WWP2: variants seen among roughly 807,000 people sequenced by gnomAD.
The protein encoded by WWP2 is WW domain containing E3 ubiquitin protein ligase 2.
A neutral mutation model predicts 121.0 loss-of-function variants in WWP2; 57 were observed. The observed-to-expected ratio is 0.47, with a 90% CI of 0.38 to 0.59. The LOEUF (loss-of-function observed/expected upper bound fraction) is 0.59. Ranked by LOEUF, WWP2 falls within the 20% of genes least tolerant of loss-of-function variation. The pLI is 0.00. For missense variants in WWP2, 962 were observed against 1,158.9 expected (o/e 0.83, Z 2.47); for synonymous variants, 449 against 441.3 (o/e 1.02, Z -0.22).
In WWP2 at chr16:69,784,098, T is replaced by C. The variant is rs1308612577; in HGVS notation, c.-15-2898T>C. Among the ~76,000 whole-genome samples, 52 of 124,030 alleles carry C rather than the reference T, an allele frequency of 4.2e-4. No homozygotes were observed. In the South Asian group the frequency reaches 0.013, roughly 30 times the overall value. 81.4% of individuals were successfully genotyped at this position (124,030 alleles called of 152,430 possible). On this transcript the variant is annotated intron_variant, in intron 1 of 23. Transcript: ENST00000359154. ...CTTTTTCTTTCTTTCTTTCTTTTTTTTTTTTTTTTTTTTTTTTTGAGACGG... is the reference window on the plus strand; with the variant it reads ...CTTTTTCTTTCTTTCTTTCTTTTTTCTTTTTTTTTTTTTTTTTTGAGACGG...
At chr16:69,885,031 G>T (rs2057898292) in intron 7 of WWP2, among the ~76,000 whole-genome samples, 1 of 150,180 alleles carries the variant, frequency 6.7e-6, no homozygotes, top group Non-Finnish European at 1.5e-5. Flanking sequence ...AATTGCTGTA[G>T]CTTTGTAGTA....
intron 8 of WWP2, among the ~76,000 whole-genome samples, chr16:69,901,515 C>T (rs370025405): frequency 1.6e-4 from 24 of 152,238 alleles, no homozygotes; most frequent in Non-Finnish European, 2.8e-4. Context: ...CGGGTTCATG[C>T]CATTCTCCTG....
chr16:69,861,790 T>C (rs191578417), intron 6 of WWP2, among the ~76,000 whole-genome samples: 1 of 152,238 alleles, frequency 6.6e-6, no homozygotes, highest in East Asian at 1.9e-4. Context: ...TATTTTTTCA[T>C]GCTTCTATTT....
rs1326687636 is a variant in WWP2 at position 69,936,562 on chromosome 16, T to A, written c.2117+110T>A. On this transcript the variant is annotated intron_variant, in intron 19 of 23. Coordinates refer to ENST00000359154, the MANE Select transcript of WWP2 (RefSeq NM_001270454.2). ...GCCCATCGGTCACTGTGGATGCCAT[T>A]TGCATTTGCCTTGATGGTGGCTGCT... is the stretch of plus-strand genomic sequence containing the variant. 3 of 1,487,838 alleles carry A rather than the reference T, an allele frequency of 2.0e-6. No individual in the cohort carries two copies. In the East Asian group the frequency reaches 7.0e-5, roughly 35 times the overall value. The allele number at this position is 1,487,838 out of a possible 1,614,324, so 92.2% of individuals were successfully genotyped here.
intron 9 of WWP2, chr16:69,909,395 C>T (rs992242855): frequency 2.0e-6 from 2 of 985,882 alleles, no homozygotes; most frequent in Non-Finnish European, 2.4e-6. Flanking sequence ...AATATGCACA[C>T]TTCCCCTGCC....
chr16:69,830,823 G>A (rs1184895387), intron 4 of WWP2, among the ~76,000 whole-genome samples: 1 of 152,202 alleles, frequency 6.6e-6, no homozygotes, highest in African/African-American at 2.4e-5. Context: ...AAGGAAATGT[G>A]AAAGAGCCTT....
intron 2 of WWP2, chr16:69,788,146 T>G (rs2055831798): frequency 6.6e-6 from 1 of 152,248 alleles, no homozygotes; most frequent in African/African-American, 2.4e-5. Context: ...GAGGATCACC[T>G]GAGCCCAGGA....
intron 2 of WWP2, among the ~76,000 whole-genome samples, chr16:69,795,025 G>A (rs938750540): frequency 1.3e-5 from 2 of 152,126 alleles, no homozygotes; most frequent in Non-Finnish European, 2.9e-5. Context: ...CTTGAGCCCA[G>A]GAGTTCGAGA....
chr16:69,824,363 G>A (rs2056645370), intron 4 of WWP2, among the ~76,000 whole-genome samples: 1 of 152,142 alleles, frequency 6.6e-6, no homozygotes, highest in Non-Finnish European at 1.5e-5. Flanking sequence ...GAGTGTCACA[G>A]TCACATAAGT....
chr16:69,912,521 A>T lies in WWP2; in HGVS notation c.1004+3671A>T, dbSNP rs554522688. Among the ~76,000 whole-genome samples, 3 of 152,050 alleles carry T rather than the reference A, an allele frequency of 2.0e-5. No homozygotes were observed. The South Asian group carries it at 6.2e-4, about 32-fold the overall frequency. On this transcript the variant is annotated intron_variant, in intron 9 of 23. Coordinates refer to ENST00000359154, the MANE Select transcript of WWP2 (RefSeq NM_001270454.2). ...GGATGAACTCAGAAACAAGAGATTA[A>T]ATGCGGATGCTATCTCCATTCCCCA...
In WWP2 at chr16:69,919,693, G is replaced by A. The variant is rs1360659518; in HGVS notation, c.1179+1810G>A. On this transcript the variant is annotated intron_variant, in intron 10 of 23. Coordinates refer to ENST00000359154, the MANE Select transcript of WWP2 (RefSeq NM_001270454.2). ...AGTTGGCTGATTATATTTTCTCAGAGCACTTTAGATGCGAAGGTTGGGATC... is the reference window on the plus strand; with the variant it reads ...AGTTGGCTGATTATATTTTCTCAGAACACTTTAGATGCGAAGGTTGGGATC... 2.6e-5 allele frequency among the ~76,000 whole-genome samples: 4 copies of A among 152,104 alleles called. No individual in the cohort carries two copies. The East Asian group carries it at 7.7e-4, about 29-fold the overall frequency.
At chr16:69,874,620 G>A (rs2057703386) in intron 7 of WWP2, among the ~76,000 whole-genome samples, 1 of 152,180 alleles carries the variant, frequency 6.6e-6, no homozygotes, top group African/African-American at 2.4e-5. Flanking sequence ...AGTTTTAGAA[G>A]TGGTGGAATC....
At chr16:69,841,420 G>A (rs1476359160) in intron 5 of WWP2, among the ~76,000 whole-genome samples, 1 of 152,106 alleles carries the variant, frequency 6.6e-6, no homozygotes, top group East Asian at 1.9e-4. Context: ...GTAAAGGGGT[G>A]GCTTGGCCTG....
chr16:69,789,037 T>A (rs1412471345), intron 2 of WWP2, among the ~76,000 whole-genome samples: 2 of 152,176 alleles, frequency 1.3e-5, no homozygotes, highest in Non-Finnish European at 2.9e-5. Flanking sequence ...TCATGGAGTT[T>A]AAAAATCTTA....
chr16:69,903,365 G>A (rs562385366), intron 8 of WWP2, among the ~76,000 whole-genome samples: 1 of 152,258 alleles, frequency 6.6e-6, no homozygotes, highest in South Asian at 2.1e-4. Context: ...ATATTAAAAC[G>A]TTAGCCAAAG....
chr16:69,911,465 G>A (rs965728634), intron 9 of WWP2, among the ~76,000 whole-genome samples: 28 of 152,202 alleles, frequency 1.8e-4, no homozygotes, highest in African/African-American at 6.8e-4. Context: ...GAAGGGAAAG[G>A]ATGTGTTTGG....
intron 6 of WWP2, among the ~76,000 whole-genome samples, chr16:69,858,683 G>T (rs1189901963): frequency 2.6e-5 from 4 of 152,086 alleles, no homozygotes; most frequent in African/African-American, 7.2e-5. Context: ...CAGCTTTTAA[G>T]GTTAGTATTG....
chr16:69,865,274 T>C (rs1020834646), intron 6 of WWP2, among the ~76,000 whole-genome samples: 16 of 152,098 alleles, frequency 1.1e-4, no homozygotes, highest in African/African-American at 3.6e-4. Context: ...GGTCTCGAAC[T>C]CCCGACCTCA....
At chr16:69,847,430 A>G (rs1248251634) in intron 6 of WWP2, among the ~76,000 whole-genome samples, 2 of 142,694 alleles carry the variant, frequency 1.4e-5, no homozygotes, top group Non-Finnish European at 3.0e-5. Flanking sequence ...TTTTTTTGAG[A>G]TGGAGTTTCA....
Sources: gnomAD v4.1 joint callset for allele counts (sites outside exome capture counted in the v4.1 genomes callset) on GRCh38, gnomAD v4.1.1 for gene constraint, MANE v1.5 for transcripts, NCBI Gene and HGNC (gene_info 2026-07-23, HGNC 2026-07-21) for gene names.